CCSER1: variants seen among roughly 807,000 people sequenced by gnomAD.
CCSER1 encodes the protein coiled-coil serine rich protein 1.
In CCSER1, 41 loss-of-function variants were observed where a neutral mutation model predicts 82.0. The observed-to-expected ratio is 0.50, with a 90% confidence interval of 0.39 to 0.65. The LOEUF (loss-of-function observed/expected upper bound fraction) is 0.65, where lower values mean the gene tolerates loss of function less well. Ranked by LOEUF, CCSER1 falls within the 30% of genes least tolerant of loss-of-function variation. The probability of loss-of-function intolerance (pLI) is 0.00; values close to 1 mark genes in which losing one functional copy is unlikely to be tolerated. For missense variants in CCSER1, 1,119 were observed against 1,064.2 expected, an observed-to-expected ratio of 1.05 and a Z score of -0.72; for synonymous variants, 414 against 383.9, an observed-to-expected ratio of 1.08 and a Z score of -0.92.
chr4:91,449,886 A>G (rs1578487437), intron 10 of CCSER1, among the ~76,000 whole-genome samples: 1 of 152,080 alleles, frequency 6.6e-6, no homozygotes, highest in East Asian at 1.9e-4. Flanking sequence ...AATGTTCTCA[A>G]ATCTTTCTCA....
intron 4 of CCSER1, among the ~76,000 whole-genome samples, chr4:90,409,325 T>C (rs1754290281): frequency 6.6e-6 from 1 of 151,988 alleles, no homozygotes; most frequent in Admixed American, 6.6e-5. Context: ...AGAAACATAA[T>C]TGTCAGATTC....
intron 9 of CCSER1, among the ~76,000 whole-genome samples, chr4:90,953,826 T>G (rs1442208969): frequency 1.3e-5 from 2 of 151,964 alleles, no homozygotes; most frequent in Non-Finnish European, 2.9e-5. Context: ...AACACTCAAA[T>G]AACAAGCAAC....
chr4:90,131,193 G>T (rs1722770939), intron 1 of CCSER1, among the ~76,000 whole-genome samples: 1 of 152,088 alleles, frequency 6.6e-6, no homozygotes, highest in African/African-American at 2.4e-5. Context: ...TAGAGATGGG[G>T]TTTCACCATG....
intron 1 of CCSER1, among the ~76,000 whole-genome samples, chr4:90,216,792 T>G (rs1397146300): frequency 6.6e-6 from 1 of 152,180 alleles, no homozygotes; most frequent in Non-Finnish European, 1.5e-5. Flanking sequence ...TTAGAATCAT[T>G]TTTCTTCTAA....
At chr4:90,838,963 C>G in intron 8 of CCSER1, 1 of 1,613,276 alleles carries the variant, frequency 6.2e-7, no homozygotes, top group Non-Finnish European at 8.5e-7. Flanking sequence ...GTGGATTTTT[C>G]TCTTGCGTCT....
chr4:90,382,883 T>C (rs543614277), intron 3 of CCSER1, among the ~76,000 whole-genome samples: 3 of 66,286 alleles, frequency 4.5e-5, no homozygotes, highest in Non-Finnish European at 9.4e-5. Context: ...TATTTATTGC[T>C]GAGTATTAAA....
At chr4:90,691,495 T>TA in intron 6 of CCSER1, among the ~76,000 whole-genome samples, 1 of 152,018 alleles carries the variant, frequency 6.6e-6, no homozygotes, top group East Asian at 1.9e-4. Flanking sequence ...CACATGTATA[T>TA]AAACGTGTGT....
intron 10 of CCSER1, among the ~76,000 whole-genome samples, chr4:91,290,874 G>A (rs1743686738): frequency 6.6e-6 from 1 of 151,858 alleles, no homozygotes. Context: ...TAATAGATAA[G>A]ACATGTTGTG....
In CCSER1 at chr4:90,556,028, T is replaced by C. The variant is rs1778086448; in HGVS notation, c.1725-71997T>C. Among the ~76,000 whole-genome samples, 3 of 152,034 alleles carry C rather than the reference T, an allele frequency of 2.0e-5. 1 individual carries two copies. Among genetic ancestry groups the C allele is most frequent in the Admixed American group, 2.0e-4 (3 of 15,264 alleles). ...CACATGCAGTTAAATATAAATAAGG[T>C]ATAAACAACAAAAATCTCCATCTAC... is the stretch of plus-strand genomic sequence containing the variant. On this transcript the variant is annotated intron_variant, in intron 5 of 10. Coordinates refer to ENST00000509176, the MANE Select transcript of CCSER1 (RefSeq NM_001145065.2).
chr4:90,503,991 A>G (rs763748875), intron 5 of CCSER1, among the ~76,000 whole-genome samples: 1 of 152,000 alleles, frequency 6.6e-6, no homozygotes, highest in African/African-American at 2.4e-5. Flanking sequence ...TATAACATTT[A>G]TTTCCTTTTA....
intron 5 of CCSER1, among the ~76,000 whole-genome samples, chr4:90,560,901 G>C (rs937393551): frequency 8.0e-4 from 121 of 152,162 alleles, no homozygotes; most frequent in Non-Finnish European, 4.6e-4. Flanking sequence ...AAAGCTTTAT[G>C]AAAAATAAAA....
chr4:90,306,043 G>A (rs1734209717), intron 1 of CCSER1, among the ~76,000 whole-genome samples: 1 of 152,158 alleles, frequency 6.6e-6, no homozygotes, highest in East Asian at 1.9e-4. Flanking sequence ...GAACCTGGAG[G>A]ACATTATGCT....
intron 10 of CCSER1, among the ~76,000 whole-genome samples, chr4:91,168,237 T>C (rs1450638551): frequency 6.7e-4 from 49 of 73,572 alleles, no homozygotes; most frequent in Admixed American, 8.5e-4. Context: ...AGGTGAGGAG[T>C]GCCTCTGCCC....
chr4:90,444,552 T>C (rs919291021), intron 4 of CCSER1, among the ~76,000 whole-genome samples: 1 of 152,112 alleles, frequency 6.6e-6, no homozygotes, highest in Non-Finnish European at 1.5e-5. Context: ...TTTTGGTTTC[T>C]GTTTGTTAAT....
At chr4:90,482,207 C>A (rs1000873449) in intron 5 of CCSER1, among the ~76,000 whole-genome samples, 1 of 152,078 alleles carries the variant, frequency 6.6e-6, no homozygotes, top group African/African-American at 2.4e-5. Flanking sequence ...TCTGTGGGAT[C>A]GGTGGTGATA....
chr4:90,483,501 T>C (rs1417099236), intron 5 of CCSER1, among the ~76,000 whole-genome samples: 1 of 152,216 alleles, frequency 6.6e-6, no homozygotes, highest in African/African-American at 2.4e-5. Context: ...GTTTTTGCAG[T>C]GGCTGGTACC....
intron 5 of CCSER1, among the ~76,000 whole-genome samples, chr4:90,572,456 T>G (rs1579235403): frequency 6.6e-6 from 1 of 152,150 alleles, no homozygotes; most frequent in East Asian, 1.9e-4. Flanking sequence ...TCTTTTTCTT[T>G]AACACCTATG....
At chr4:91,554,224 T>C (rs1762301712) in intron 10 of CCSER1, among the ~76,000 whole-genome samples, 1 of 151,550 alleles carries the variant, frequency 6.6e-6, no homozygotes, top group Non-Finnish European at 1.5e-5. Context: ...TCTAATTTCA[T>C]ATCATTGTGG....
chr4:90,290,320 A>G (rs1730673818), intron 1 of CCSER1, among the ~76,000 whole-genome samples: 1 of 151,886 alleles, frequency 6.6e-6, no homozygotes, highest in South Asian at 2.1e-4. Context: ...CCGAACATTT[A>G]TATATAGTGT....
Sources: allele counts gnomAD v4.1 joint callset (sites outside exome capture counted in the v4.1 genomes callset), GRCh38; gene constraint gnomAD v4.1.1; transcripts MANE v1.5; gene names NCBI Gene and HGNC (gene_info 2026-07-23, HGNC 2026-07-21).